TENM4: variants seen among roughly 807,000 people sequenced by gnomAD.
TENM4 encodes the protein teneurin-4.
Under a neutral mutation model 243.3 loss-of-function variants are expected in TENM4, and 82 were observed. That is an observed-to-expected ratio of 0.34 (90% CI 0.28 to 0.40). The LOEUF (loss-of-function observed/expected upper bound fraction) is 0.40. Among genes scored for constraint, TENM4 ranks in the 10% least tolerant of loss-of-function variants. The probability of loss-of-function intolerance (pLI) is 1.00; values close to 1 mark genes in which losing one functional copy is unlikely to be tolerated. For synonymous variants in TENM4, 1,412 were observed against 1,456.3 expected, an observed-to-expected ratio of 0.97 and a Z score of 0.69; for missense variants, 3,138 against 3,673.3, an observed-to-expected ratio of 0.85 and a Z score of 3.77.
At chr11:78,997,215 T>C (rs1490200383) in intron 6 of TENM4, among the ~76,000 whole-genome samples, 4 of 152,174 alleles carry the variant, frequency 2.6e-5, no homozygotes, top group Non-Finnish European at 5.9e-5. Flanking sequence ...ATTAGGAAAG[T>C]GGCCCTAAAA....
At chr11:78,866,094 T>C (rs746660961) in intron 9 of TENM4, among the ~76,000 whole-genome samples, 2 of 152,248 alleles carry the variant, frequency 1.3e-5, no homozygotes, top group African/African-American at 2.4e-5. Flanking sequence ...CTACCTCCTA[T>C]GTAGGTGACA....
chr11:79,159,775 T>G (rs780510314), intron 3 of TENM4, among the ~76,000 whole-genome samples: 1 of 152,158 alleles, frequency 6.6e-6, no homozygotes, highest in Non-Finnish European at 1.5e-5. Flanking sequence ...AATCAATTAT[T>G]CTATTATTTA....
chr11:79,207,144 C>T (rs1199636318), intron 3 of TENM4, among the ~76,000 whole-genome samples: 5 of 152,118 alleles, frequency 3.3e-5, no homozygotes, highest in Non-Finnish European at 7.4e-5. Flanking sequence ...GGCAGGCTGC[C>T]TGCAAGTTCA....
At position 78,732,387 on chromosome 11, in the gene TENM4, C is replaced by T. The variant is rs769818383; in HGVS notation, c.3067G>A (p.Val1023Ile). Reference sequence around the variant, plus strand: ...AAGGACGTCAGTGGGGATGGAGAGACGACTGGGTTGGGGCGGGCAAAATTG... The same window carrying T: ...AAGGACGTCAGTGGGGATGGAGAGATGACTGGGTTGGGGCGGGCAAAATTG... ...LSNFARPNPVVSPSPLTSFAS... is the reference protein window; with the variant it reads ...LSNFARPNPVISPSPLTSFAS... Residue 1023 changes from valine (V) to isoleucine (I), a missense_variant, in exon 21 of 34, where the codon GTC becomes ATC. Coordinates refer to ENST00000278550, the MANE Select transcript of TENM4 (RefSeq NM_001098816.3). The T allele has an allele frequency of 1.3e-4, 211 of 1,613,834 alleles. No individual in the cohort carries two copies. Among genetic ancestry groups the T allele is most frequent in the Non-Finnish European group, 1.6e-4 (188 of 1,179,886 alleles).
chr11:79,199,758 G>A (rs1475258628), intron 3 of TENM4, among the ~76,000 whole-genome samples: 1 of 152,176 alleles, frequency 6.6e-6, no homozygotes, highest in Admixed American at 6.5e-5. Context: ...AAATTTTTCA[G>A]GAACATGTCC....
intron 3 of TENM4, among the ~76,000 whole-genome samples, chr11:79,163,244 A>G (rs1257725398): frequency 6.6e-6 from 1 of 152,126 alleles, no homozygotes; most frequent in East Asian, 1.9e-4. Context: ...CAGGCCAGGC[A>G]CTATGCTAGT....
chr11:78,954,916 GC>G (rs1857177856), intron 6 of TENM4, among the ~76,000 whole-genome samples: 1 of 152,232 alleles, frequency 6.6e-6, no homozygotes, highest in African/African-American at 2.4e-5. Context: ...CAACAGATGA[GC>G]CTTTTGCAAG....
chr11:78,945,754 T>G (rs1257478912), intron 6 of TENM4, among the ~76,000 whole-genome samples: 1 of 152,180 alleles, frequency 6.6e-6, no homozygotes, highest in Non-Finnish European at 1.5e-5. Flanking sequence ...CAAAACAGCC[T>G]TTTTGCTGTT....
intron 2 of TENM4, among the ~76,000 whole-genome samples, chr11:79,238,621 C>T (rs1392317787): frequency 6.6e-6 from 1 of 152,102 alleles, no homozygotes; most frequent in Non-Finnish European, 1.5e-5. Flanking sequence ...GATCATGGGT[C>T]TTCCAAGCCC....
intron 2 of TENM4, among the ~76,000 whole-genome samples, chr11:79,272,010 A>G (rs1463780909): frequency 2.0e-5 from 3 of 152,210 alleles, no homozygotes; most frequent in African/African-American, 4.8e-5. Flanking sequence ...CCTAGGAGGT[A>G]GTGATGTCTG....
chr11:78,846,875 C>T (rs1424258028), intron 12 of TENM4, among the ~76,000 whole-genome samples: 3 of 152,198 alleles, frequency 2.0e-5, no homozygotes, highest in Non-Finnish European at 4.4e-5. Flanking sequence ...CATTTCCCTT[C>T]TCTCTGAGAG....
chr11:78,872,931 G>A (rs1417418685), intron 9 of TENM4, among the ~76,000 whole-genome samples: 2 of 152,098 alleles, frequency 1.3e-5, no homozygotes, highest in African/African-American at 4.8e-5. Flanking sequence ...TTTTCCCTTT[G>A]GATCATTCAC....
At chr11:79,256,971 G>A (rs1855711381) in intron 2 of TENM4, among the ~76,000 whole-genome samples, 1 of 152,290 alleles carries the variant, frequency 6.6e-6, no homozygotes, top group Non-Finnish European at 1.5e-5. Flanking sequence ...CAGTGACAAA[G>A]TCTTCCTGTA....
intron 16 of TENM4, among the ~76,000 whole-genome samples, chr11:78,779,503 C>A (rs1469465621): frequency 6.6e-6 from 1 of 152,194 alleles, no homozygotes; most frequent in Non-Finnish European, 1.5e-5. Context: ...CTGAAATAAA[C>A]CCCACTGTGT....
At chr11:79,171,618 C>T (rs1331245656) in intron 3 of TENM4, among the ~76,000 whole-genome samples, 1 of 152,098 alleles carries the variant, frequency 6.6e-6, no homozygotes, top group East Asian at 1.9e-4. Flanking sequence ...AAACAGAGTT[C>T]CATTCTAGGG....
At chr11:78,747,643 G>A (rs2135930640) in intron 19 of TENM4, among the ~76,000 whole-genome samples, 1 of 152,244 alleles carries the variant, frequency 6.6e-6, no homozygotes, top group African/African-American at 2.4e-5. Context: ...TCCCTGTCAA[G>A]CCCCTCACTG....
At chr11:79,278,529 A>G (rs1856099679) in intron 2 of TENM4, among the ~76,000 whole-genome samples, 1 of 152,188 alleles carries the variant, frequency 6.6e-6, no homozygotes, top group Admixed American at 6.5e-5. Flanking sequence ...ACCTCTTGAA[A>G]GAACTCTCTT....
chr11:78,959,464 T>G (rs142385390), intron 6 of TENM4, among the ~76,000 whole-genome samples: 1 of 152,290 alleles, frequency 6.6e-6, no homozygotes, highest in East Asian at 1.9e-4. Flanking sequence ...AGTACCAGCA[T>G]GTCCTTTGGC....
chr11:79,032,602 T>G (rs904569084), intron 6 of TENM4, among the ~76,000 whole-genome samples: 2 of 152,174 alleles, frequency 1.3e-5, no homozygotes, highest in Non-Finnish European at 2.9e-5. Flanking sequence ...GCCGTTCCCC[T>G]TAGACTGACC....
Sources: gnomAD v4.1 joint callset for allele counts (sites outside exome capture counted in the v4.1 genomes callset) on GRCh38, gnomAD v4.1.1 for gene constraint, MANE v1.5 for transcripts, NCBI Gene and HGNC (gene_info 2026-07-23, HGNC 2026-07-21) for gene names.